The following KLHDC1 variants were observed in gnomAD, a reference collection of about 807,000 sequenced individuals.
KLHDC1 encodes kelch domain-containing protein 1.
A neutral mutation model predicts 68.3 loss-of-function variants in KLHDC1; 53 were observed. The observed-to-expected ratio is 0.78, with a 90% CI of 0.62 to 0.98. KLHDC1 has a LOEUF of 0.98. Among genes scored for constraint, KLHDC1 ranks in the 50% least tolerant of loss-of-function variants. The probability of loss-of-function intolerance (pLI) is 0.00; values close to 1 mark genes in which losing one functional copy is unlikely to be tolerated. For missense variants in KLHDC1, 470 were observed against 492.3 expected, an observed-to-expected ratio of 0.95 and a Z score of 0.43; for synonymous variants, 148 against 159.0, an observed-to-expected ratio of 0.93 and a Z score of 0.52.
intron 2 of KLHDC1, among the ~76,000 whole-genome samples, chr14:49,709,496 G>T (rs1594654989): frequency 1.3e-5 from 2 of 151,244 alleles, no homozygotes; most frequent in Non-Finnish European, 2.9e-5. Flanking sequence ...TTCTAGTGAC[G>T]TGTGAAATTT....
chr14:49,724,753 A>T (rs1370799679), intron 5 of KLHDC1, among the ~76,000 whole-genome samples: 1 of 151,844 alleles, frequency 6.6e-6, no homozygotes, highest in African/African-American at 2.4e-5. Context: ...CAGTGAAATA[A>T]CTCAATTTTT....
intron 1 of KLHDC1, among the ~76,000 whole-genome samples, chr14:49,696,096 G>A (rs1887734636): frequency 6.6e-6 from 1 of 150,468 alleles, no homozygotes; most frequent in African/African-American, 2.4e-5. Context: ...CTATTGTTTA[G>A]TGTAGCCACC....
In KLHDC1 at chr14:49,697,703, G is replaced by T. The variant is rs551199219; in HGVS notation, c.96+4413G>T. Among the ~76,000 whole-genome samples, 26 of 152,314 alleles carry T rather than the reference G, an allele frequency of 1.7e-4. No individual in the cohort carries two copies. The South Asian group carries it at 5.4e-3, about 32-fold the overall frequency. ...GTTGGTTTTTGTTGTTGTTTTGTGT[G>T]TTTATTTTTAATTTGGTTCAGTACC... is the stretch of plus-strand genomic sequence containing the variant. On this transcript the variant is annotated intron_variant, in intron 1 of 12. Coordinates refer to ENST00000359332, the MANE Select transcript of KLHDC1 (RefSeq NM_172193.3).
chr14:49,750,604 T>C (rs1315615937), intron 12 of KLHDC1, among the ~76,000 whole-genome samples: 1 of 152,216 alleles, frequency 6.6e-6, no homozygotes, highest in African/African-American at 2.4e-5. Context: ...CAGCTAAAGT[T>C]ACCCACAGCA....
chr14:49,734,658 C>G lies in KLHDC1; in HGVS notation c.893C>G (p.Pro298Arg), dbSNP rs770309301. 10 of 1,548,864 alleles carry G rather than the reference C, an allele frequency of 6.5e-6. No homozygotes were observed. Among genetic ancestry groups the G allele is most frequent in the Non-Finnish European group, 8.8e-6 (10 of 1,131,494 alleles). Residue 298 changes from proline to arginine, a missense_variant, in exon 10 of 13, where the codon CCT becomes CGT. By Grantham distance (103) the Pro-to-Arg change is moderately radical. Transcript: ENST00000359332. ...CTTACACATTTACCTAAAACAAGAC[C>G]TAGGTAAGTCAAGAAATTGACAAAT... ...KQLTHLPKTR[P>R]RLWHTACLGK...
intron 1 of KLHDC1, among the ~76,000 whole-genome samples, chr14:49,696,816 C>T (rs1007562573): frequency 7.0e-6 from 1 of 143,560 alleles, no homozygotes; most frequent in South Asian, 2.3e-4. Flanking sequence ...CCTGTATTAG[C>T]TTTTGACATG....
intron 8 of KLHDC1, among the ~76,000 whole-genome samples, chr14:49,730,914 T>C (rs1888791644): frequency 1.3e-5 from 2 of 151,602 alleles, no homozygotes; most frequent in South Asian, 2.1e-4. Context: ...GGAGGTTGCA[T>C]TGAGCCAAGA....
At position 49,693,141 on chromosome 14, in the gene KLHDC1, C is replaced by T. The variant is rs185863730; in HGVS notation, c.-54C>T. 39 of 1,490,504 alleles carry T rather than the reference C, an allele frequency of 2.6e-5. No homozygotes were observed. The East Asian group carries it at 8.5e-4, about 32-fold the overall frequency. The allele number at this position is 1,490,504 out of a possible 1,614,324, so 92.3% of individuals were successfully genotyped here. On this transcript the variant is annotated 5_prime_UTR_variant, in exon 1 of 13. Coordinates refer to ENST00000359332, the MANE Select transcript of KLHDC1 (RefSeq NM_172193.3). Reference sequence around the variant, plus strand: ...GAGCAGTCGGGGCTGGAGGCGAGGCCGCCGGGCGGGCAGGGGTTGTGGCGC... The same window carrying T: ...GAGCAGTCGGGGCTGGAGGCGAGGCTGCCGGGCGGGCAGGGGTTGTGGCGC...
rs191657026 is a variant in KLHDC1, at chr14:49,734,600, A to C, written c.835A>C (p.Ile279Leu). The C allele has an allele frequency of 3.1e-6, 5 of 1,589,572 alleles. No homozygotes were observed. In the East Asian group the frequency reaches 1.1e-4, roughly 36 times the overall value. ...TCATGATATTGCAGGTGATGGTTGG[A>C]TTCATAATGTCACAACAAATTGTTG... Reference protein sequence around the residue: ...ADNIPLSDGWIHNVTTNCWKQ... With the variant: ...ADNIPLSDGWLHNVTTNCWKQ... Residue 279 changes from isoleucine to leucine, a missense_variant, in exon 10 of 13, where the codon ATT (isoleucine) becomes CTT (leucine). Physicochemically the swap from Ile to Leu is conservative, Grantham distance 5 (BLOSUM62 2). Coordinates refer to ENST00000359332, the MANE Select transcript of KLHDC1 (RefSeq NM_172193.3).
intron 6 of KLHDC1, among the ~76,000 whole-genome samples, chr14:49,728,091 G>T (rs753010957): frequency 3.3e-5 from 5 of 152,158 alleles, no homozygotes; most frequent in Non-Finnish European, 7.4e-5. Context: ...GGAGGTTGAG[G>T]CAGGCAGATC....
intron 4 of KLHDC1, 124 bp downstream of exon 4, chr14:49,710,505 C>T (rs921031207): frequency 1.7e-5 from 10 of 582,756 alleles, no homozygotes; most frequent in Non-Finnish European, 2.8e-5. Flanking sequence ...TCTAAATAAT[C>T]AATATCTGAC....
intron 4 of KLHDC1, among the ~76,000 whole-genome samples, chr14:49,716,724 A>G (rs550908193): frequency 6.6e-6 from 1 of 152,254 alleles, no homozygotes; most frequent in South Asian, 2.1e-4. Context: ...TACATAAAAC[A>G]TAAAATTTTT....
chr14:49,742,001 T>C (rs1889076536), intron 11 of KLHDC1, among the ~76,000 whole-genome samples: 1 of 152,208 alleles, frequency 6.6e-6, no homozygotes, highest in African/African-American at 2.4e-5. Context: ...GGATGGCTTC[T>C]CTCCATGGAA....
At chr14:49,701,748 CCAG>C (rs752005148) in intron 1 of KLHDC1, among the ~76,000 whole-genome samples, 4 of 152,076 alleles carry the variant, frequency 2.6e-5, no homozygotes, top group Non-Finnish European at 4.4e-5. Flanking sequence ...ATATTTGTAA[CCAG>C]GGTCGGGTGT....
chr14:49,746,806 C>G (rs1889209184), intron 12 of KLHDC1, among the ~76,000 whole-genome samples: 1 of 152,072 alleles, frequency 6.6e-6, no homozygotes, highest in Non-Finnish European at 1.5e-5. Flanking sequence ...CAGCACAGTT[C>G]CACCTGTGAA....
intron 10 of KLHDC1, among the ~76,000 whole-genome samples, chr14:49,737,238 T>G (rs749329376): frequency 6.6e-6 from 1 of 152,220 alleles, no homozygotes; most frequent in Non-Finnish European, 1.5e-5. Context: ...GTTGAAGATT[T>G]ATATCAATGT....
intron 6 of KLHDC1, among the ~76,000 whole-genome samples, chr14:49,727,614 A>G (rs1888704770): frequency 6.6e-6 from 1 of 151,988 alleles, no homozygotes; most frequent in Non-Finnish European, 1.5e-5. Flanking sequence ...GATTTCCAGT[A>G]CTCTTCTATT....
intron 8 of KLHDC1, among the ~76,000 whole-genome samples, chr14:49,731,530 C>T (rs1180463559): frequency 6.6e-6 from 1 of 151,774 alleles, no homozygotes; most frequent in Non-Finnish European, 1.5e-5. Flanking sequence ...AATGCAATGG[C>T]GCGACCTCGG....
At chr14:49,734,526 G>A (rs1303467402) in intron 9 of KLHDC1, 63 bp from the exon 10 acceptor site, 2 of 900,534 alleles carry the variant, frequency 2.2e-6, no homozygotes, top group Non-Finnish European at 3.4e-6. Context: ...ATAAATTGGG[G>A]GGAAAATTAA....
Sources: gnomAD v4.1 joint callset for allele counts (sites outside exome capture counted in the v4.1 genomes callset) on GRCh38, gnomAD v4.1.1 for gene constraint, MANE v1.5 for transcripts, NCBI Gene and HGNC (gene_info 2026-07-23, HGNC 2026-07-21) for gene names.